ME3: variants seen among roughly 807,000 people sequenced by gnomAD.
The protein encoded by ME3 is malic enzyme 3.
Under a neutral mutation model 68.9 loss-of-function variants are expected in ME3, and 48 were observed. That is an observed-to-expected ratio of 0.70 (90% confidence interval 0.55 to 0.89). The LOEUF (loss-of-function observed/expected upper bound fraction) is 0.89, where lower values mean the gene tolerates loss of function less well. Among genes scored for constraint, ME3 ranks in the 40% least tolerant of loss-of-function variants. The pLI is 0.00. For missense variants in ME3, 675 were observed against 797.4 expected (o/e 0.85, Z 1.85); for synonymous variants, 320 against 318.8 (o/e 1.00, Z -0.04).
At chr11:86,672,043 G>C in intron 1 of ME3, 85 bp from the exon 2 acceptor site, 1 of 1,133,746 alleles carries the variant, frequency 8.8e-7, no homozygotes, top group Non-Finnish European at 1.1e-6. Context: ...GCCTGATCCG[G>C]GGACGCGCCC....
intron 2 of ME3, among the ~76,000 whole-genome samples, chr11:86,656,744 A>G (rs1945906827): frequency 6.6e-6 from 1 of 152,096 alleles, no homozygotes; most frequent in Non-Finnish European, 1.5e-5. Context: ...AACTTAAAGT[A>G]TAATAATAAA....
chr11:86,665,416 G>A (rs73514376), intron 2 of ME3, among the ~76,000 whole-genome samples: 13,626 of 152,132 alleles, frequency 0.09, 655 homozygotes, highest in Non-Finnish European at 0.11. Context: ...GCTATGGAGG[G>A]GTGGTGTGCT....
At chr11:86,664,282 C>G (rs552731492) in intron 2 of ME3, among the ~76,000 whole-genome samples, 9 of 152,178 alleles carry the variant, frequency 5.9e-5, no homozygotes, top group Non-Finnish European at 1.2e-4. Context: ...CATTTACTTC[C>G]AAGCCCTTTA....
At chr11:86,508,677 G>A (rs1196450287) in intron 5 of ME3, 115 bp downstream of exon 5, 2 of 902,396 alleles carry the variant, frequency 2.2e-6, no homozygotes, top group Admixed American at 2.0e-5. Flanking sequence ...GGAATGGGAG[G>A]TAGTATGCTG....
chr11:86,649,308 A>C (rs1048179708), intron 2 of ME3, among the ~76,000 whole-genome samples: 2 of 152,204 alleles, frequency 1.3e-5, no homozygotes, highest in African/African-American at 2.4e-5. Context: ...TTGATGGGAC[A>C]TATCTCAAAA....
intron 13 of ME3, among the ~76,000 whole-genome samples, chr11:86,445,752 CTT>C (rs1394981899): frequency 6.6e-6 from 1 of 151,956 alleles, no homozygotes; most frequent in East Asian, 1.9e-4. Context: ...GTAAAGAACT[CTT>C]TTGTGCGCTT....
At chr11:86,536,222 T>C (rs1330099665) in intron 4 of ME3, among the ~76,000 whole-genome samples, 1 of 152,000 alleles carries the variant, frequency 6.6e-6, no homozygotes, top group Non-Finnish European at 1.5e-5. Flanking sequence ...GACATAGGCA[T>C]GAGCAAGGAC....
At chr11:86,610,669 G>T (rs1026395054) in intron 2 of ME3, among the ~76,000 whole-genome samples, 3 of 151,026 alleles carry the variant, frequency 2.0e-5, no homozygotes, top group Non-Finnish European at 4.4e-5. Flanking sequence ...GTGGGGTTGG[G>T]GGGTGGCTCT....
chr11:86,457,815 T>TA (rs1295980179), intron 8 of ME3: 3 of 1,255,068 alleles, frequency 2.4e-6, no homozygotes, highest in South Asian at 1.3e-5. Context: ...TTTCCATAAT[T>TA]ACATTTCCTG....
chr11:86,589,628 T>C (rs907612868), intron 2 of ME3, among the ~76,000 whole-genome samples: 24 of 152,242 alleles, frequency 1.6e-4, no homozygotes, highest in African/African-American at 5.5e-4. Flanking sequence ...TATGTTTTAA[T>C]AAAAGATTCT....
chr11:86,571,483 A>G (rs1428164046), intron 2 of ME3, among the ~76,000 whole-genome samples: 1 of 152,268 alleles, frequency 6.6e-6, no homozygotes, highest in East Asian at 1.9e-4. Flanking sequence ...TGCGCTGTCC[A>G]ATGTGGTAGC....
chr11:86,519,798 G>A (rs903713242), intron 4 of ME3, among the ~76,000 whole-genome samples: 1 of 152,200 alleles, frequency 6.6e-6, no homozygotes, highest in Non-Finnish European at 1.5e-5. Flanking sequence ...AGAAATCCTC[G>A]AAGGCTGTGT....
chr11:86,547,239 CAA>C (rs1169843852), intron 4 of ME3, among the ~76,000 whole-genome samples: 6 of 45,984 alleles, frequency 1.3e-4, no homozygotes, highest in Non-Finnish European at 1.3e-4. Flanking sequence ...GACTCCATCT[CAA>C]AAAAAAAAAA....
chr11:86,554,225 G>A (rs966884892), intron 4 of ME3, among the ~76,000 whole-genome samples: 5 of 152,168 alleles, frequency 3.3e-5, no homozygotes, highest in Non-Finnish European at 7.3e-5. Flanking sequence ...GTTTCCATAA[G>A]AGCATATGGA....
chr11:86,512,038 C>A (rs1953566938), intron 4 of ME3, among the ~76,000 whole-genome samples: 2 of 152,168 alleles, frequency 1.3e-5, no homozygotes, highest in South Asian at 4.1e-4. Context: ...AAATCCCTAG[C>A]CTCTGAGTTC....
rs1017826164 is a variant in ME3 at position 86,593,785 on chromosome 11, A to G, written c.184-33962T>C. On this transcript the variant is annotated intron_variant, in intron 2 of 14. Transcript: ENST00000543262. The stretch of plus-strand genomic sequence containing the variant: ...GTCTTTTTTCCCCACTAAAAATGTT[A>G]TGATTAGCATTTTCCCACATACTAA... Among the ~76,000 whole-genome samples, 7 of 146,580 alleles carry G rather than the reference A, an allele frequency of 4.8e-5. 1 individual carries two copies. Among genetic ancestry groups the G allele is most frequent in the Non-Finnish European group, 1.5e-5 (1 of 67,224 alleles).
chr11:86,552,645 T>C (rs564658022), intron 4 of ME3, among the ~76,000 whole-genome samples: 3 of 152,346 alleles, frequency 2.0e-5, no homozygotes, highest in African/African-American at 7.2e-5. Context: ...TTGTCCTTAC[T>C]GGAGTCAGAG....
chr11:86,448,072 T>C, intron 11 of ME3, 78 bp downstream of exon 11: 1 of 1,018,144 alleles, frequency 9.8e-7, no homozygotes, highest in Non-Finnish European at 1.5e-6. Context: ...TTAGGCTTCC[T>C]AGCTGAGCCT....
chr11:86,582,538 T>C (rs1958500025), intron 2 of ME3, among the ~76,000 whole-genome samples: 1 of 152,200 alleles, frequency 6.6e-6, no homozygotes, highest in Non-Finnish European at 1.5e-5. Context: ...TTGGGAAATA[T>C]CTCAATAGAA....
Sources: gnomAD v4.1 joint callset for allele counts (sites outside exome capture counted in the v4.1 genomes callset) on GRCh38, gnomAD v4.1.1 for gene constraint, MANE v1.5 for transcripts, NCBI Gene and HGNC (gene_info 2026-07-23, HGNC 2026-07-21) for gene names.